Variants in NPTXR observed in about 807,000 individuals in gnomAD.
The protein encoded by NPTXR is neuronal pentraxin receptor.
NPTXR carries 12 observed loss-of-function variants against 32.2 expected under a neutral mutation model. That is an observed-to-expected ratio of 0.37 (90% CI 0.24 to 0.60). The LOEUF is 0.60. NPTXR is among the 20% of genes least tolerant of loss of function. The pLI, the probability that NPTXR is intolerant of heterozygous loss-of-function variation, is 0.66. For missense variants in NPTXR, 612 were observed against 682.9 expected (o/e 0.90, Z 1.16); for synonymous variants, 323 against 315.8 (o/e 1.02, Z -0.24).
chr22:38,830,934 C>T (rs557701650), intron 1 of NPTXR, among the ~76,000 whole-genome samples: 1 of 152,214 alleles, frequency 6.6e-6, no homozygotes, highest in Non-Finnish European at 1.5e-5. Context: ...CACGCAGATG[C>T]CTACTTGGCC....
intron 2 of NPTXR, 139 bp from the exon 3 acceptor site, chr22:38,826,886 C>A (rs2093108031): frequency 1.0e-6 from 1 of 968,704 alleles, no homozygotes; most frequent in Non-Finnish European, 1.5e-6. Flanking sequence ...TCTCTCTGCT[C>A]CACCTCTGTG....
At chr22:38,835,550 A>T (rs2093122749) in intron 1 of NPTXR, among the ~76,000 whole-genome samples, 1 of 152,118 alleles carries the variant, frequency 6.6e-6, no homozygotes, top group South Asian at 2.1e-4. Flanking sequence ...GAGACCCCAG[A>T]CCGTGTCTAA....
chr22:38,843,339 G>A lies in NPTXR; in HGVS notation c.520C>T (p.Pro174Ser). ...CCGTCGGCCATGGTGTCGCGGCGGG[G>A]CCCGGCGCCCTGGAGGCCGCGCGGC... is the stretch of plus-strand genomic sequence containing the variant. Residue 174 changes from proline (P) to serine (S), a missense_variant, in exon 1 of 5, where the codon CCC becomes TCC. By Grantham distance (74) the Pro-to-Ser change is moderately conservative. Transcript: ENST00000333039. This position sits in a 1 kb window ranked among gnomAD's most constrained non-coding sequence, Gnocchi z 5.3. 3 of 1,414,368 alleles carry A rather than the reference G, an allele frequency of 2.1e-6. No homozygotes were observed. The highest frequency in any genetic ancestry group is 3.3e-5 in the Admixed American group (1 of 30,686). The allele number at this position is 1,414,368 out of a possible 1,614,324, so 87.6% of individuals were successfully genotyped here.
intron 1 of NPTXR, among the ~76,000 whole-genome samples, chr22:38,838,957 C>T (rs1365113580): frequency 6.6e-6 from 1 of 152,116 alleles, no homozygotes; most frequent in East Asian, 1.9e-4. Flanking sequence ...TGATGAAGAA[C>T]GAGGGCTCTA....
In NPTXR at chr22:38,827,253, T is replaced by C. The variant is rs565214528; in HGVS notation, c.851-506A>G. 3.8e-3 allele frequency among the ~76,000 whole-genome samples: 459 copies of C among 121,000 alleles called. 1 individual carries two copies. Among genetic ancestry groups the C allele is most frequent in the Non-Finnish European group, 6.3e-3 (379 of 59,962 alleles). 79.4% of individuals were successfully genotyped at this position (121,000 alleles called of 152,430 possible). A position where few individuals can be genotyped will look rare whatever the true frequency, so the allele number is the denominator to read the frequency against. On this transcript the variant is annotated intron_variant, in intron 2 of 4. Coordinates refer to ENST00000333039, the MANE Select transcript of NPTXR (RefSeq NM_014293.4). ...CTTTCTTTTCTTTTCTTTTTCTTTT[T>C]TTCTTTCTTTTTTTTTTTTTTTTTG...
Position 38,843,130 on chromosome 22 carries a change from C to A in NPTXR, c.624+105G>T, listed in dbSNP as rs908528421. The A allele has an allele frequency of 8.9e-7, 1 of 1,120,436 alleles. No homozygotes were observed. Among genetic ancestry groups the A allele is most frequent in the South Asian group, 3.9e-5 (1 of 25,390 alleles). 69.4% of individuals were successfully genotyped at this position (1,120,436 alleles called of 1,614,324 possible). On this transcript the variant is annotated intron_variant, in intron 1 of 4. Transcript: ENST00000333039. This position sits in a 1 kb window ranked among gnomAD's most constrained non-coding sequence, Gnocchi z 5.3. ...CCAGCGAGGAAGGCGCGATCGTCCC[C>A]GGAACACAGACGGGAGACCGGAGGC...
At chr22:38,832,042 T>C (rs1376560813) in intron 1 of NPTXR, among the ~76,000 whole-genome samples, 1 of 152,160 alleles carries the variant, frequency 6.6e-6, no homozygotes, top group East Asian at 1.9e-4. Context: ...GAGGAAGATC[T>C]GCCAGCAAGA....
At chr22:38,838,573 A>ACTTTTTTTTTTTTTTTTTTT (rs200891254) in intron 1 of NPTXR, among the ~76,000 whole-genome samples, 2 of 83,190 alleles carry the variant, frequency 2.4e-5, no homozygotes, top group African/African-American at 1.1e-4. Context: ...TCACCTGGCT[A>ACTTTTTTTTTTTTTTTTTTT]TTTTTTTTTT....
intron 1 of NPTXR, among the ~76,000 whole-genome samples, chr22:38,833,359 TGGAAAGTGAGCAGCCTTCAGG>T (rs1353358458): frequency 2.0e-5 from 3 of 152,086 alleles, no homozygotes; most frequent in Admixed American, 1.3e-4. Context: ...CAGGACCAGG[TGGAAAGTGAGCAGCCTTCAGG>T]GGGAGCAGTG....
chr22:38,824,824 G>A (rs77298081), intron 3 of NPTXR, among the ~76,000 whole-genome samples: 2,962 of 152,078 alleles, frequency 0.019, 112 homozygotes, highest in African/African-American at 0.068. Flanking sequence ...GTGGTCGTAG[G>A]GTTTATTGGG....
rs374912529 is a variant in NPTXR at position 38,833,599 on chromosome 22, C to A, written c.625-5087G>T. ...GTTCATAGACAGAAAGCGCTTAGTG[C>A]GCGGTAGGCATAGGAAGCATCACAG... On this transcript the variant is annotated intron_variant, in intron 1 of 4. Coordinates refer to ENST00000333039, the MANE Select transcript of NPTXR (RefSeq NM_014293.4). 1.1e-4 allele frequency among the ~76,000 whole-genome samples: 16 copies of A among 151,544 alleles called. No homozygotes were observed. In the East Asian group the frequency reaches 2.9e-3, roughly 28 times the overall value.
At position 38,823,049 on chromosome 22, in the gene NPTXR, G is replaced by A. The variant is rs1049840323; in HGVS notation, c.1278+34C>T. ...CTCAGTCTGCCCATCTGCACAATTAGGAGGTCCAGCCCCAATATCAGCCTG... is the reference window on the plus strand; with the variant it reads ...CTCAGTCTGCCCATCTGCACAATTAAGAGGTCCAGCCCCAATATCAGCCTG... On this transcript the variant is annotated intron_variant, in intron 4 of 4. Transcript: ENST00000333039. 3 of 1,611,132 alleles carry A rather than the reference G, an allele frequency of 1.9e-6. No homozygotes were observed. In the African/African-American group the frequency reaches 4.0e-5, roughly 22 times the overall value.
chr22:38,830,865 C>T (rs114352307), intron 1 of NPTXR, among the ~76,000 whole-genome samples: 1,979 of 152,122 alleles, frequency 0.013, 40 homozygotes, highest in African/African-American at 0.046. Flanking sequence ...AGAGGGGGGA[C>T]TCTGGCCACC....
chr22:38,824,851 C>G (rs2146191329), intron 3 of NPTXR, among the ~76,000 whole-genome samples: 1 of 152,308 alleles, frequency 6.6e-6, no homozygotes, highest in South Asian at 2.1e-4. Context: ...GGGAAAGTCA[C>G]TGGTCCCTGG....
chr22:38,833,581 G>C (rs952211059), intron 1 of NPTXR, among the ~76,000 whole-genome samples: 1 of 152,126 alleles, frequency 6.6e-6, no homozygotes, highest in African/African-American at 2.4e-5. Flanking sequence ...TGAGTTCATA[G>C]ACAGAAAGCG....
intron 1 of NPTXR, among the ~76,000 whole-genome samples, chr22:38,830,726 C>A (rs923044808): frequency 2.6e-5 from 4 of 152,156 alleles, no homozygotes; most frequent in Admixed American, 1.3e-4. Context: ...CAGCAACCCC[C>A]CTCTTCTGCT....
intron 1 of NPTXR, among the ~76,000 whole-genome samples, chr22:38,836,754 T>C (rs1158553761): frequency 6.6e-6 from 1 of 152,232 alleles, no homozygotes; most frequent in Non-Finnish European, 1.5e-5. Flanking sequence ...ATCTGTGACC[T>C]CTTCCGTATC....
intron 1 of NPTXR, among the ~76,000 whole-genome samples, chr22:38,840,687 A>G (rs1352574514): frequency 2.0e-5 from 3 of 151,990 alleles, no homozygotes; most frequent in Non-Finnish European, 2.9e-5. Context: ...ATGGGTCTGG[A>G]GCTTGGGAAG....
intron 1 of NPTXR, among the ~76,000 whole-genome samples, chr22:38,838,722 C>T (rs1255495038): frequency 3.3e-5 from 5 of 152,026 alleles, no homozygotes; most frequent in Admixed American, 6.6e-5. Context: ...GCTGGGACTA[C>T]AGGTGCCCGC....
Sources: gnomAD v4.1 joint callset for allele counts (sites outside exome capture counted in the v4.1 genomes callset) on GRCh38, gnomAD v4.1.1 for gene constraint, Gnocchi (gnomAD v3.1) non-coding constraint, MANE v1.5 for transcripts, NCBI Gene and HGNC (gene_info 2026-07-23, HGNC 2026-07-21) for gene names.